Variants in UGT1A6 observed in about 807,000 individuals in gnomAD.
UGT1A6 encodes UDP-glucuronosyltransferase 1A6.
UGT1A6 carries 32 observed loss-of-function variants against 44.4 expected under a neutral mutation model. The ratio of observed to expected loss-of-function variants is 0.72; its 90% CI spans 0.54 to 0.97. The LOEUF is 0.97. Among genes scored for constraint, UGT1A6 ranks in the 50% least tolerant of loss-of-function variants. UGT1A6 has a pLI of 0.00. For synonymous variants in UGT1A6, 238 were observed against 248.5 expected (o/e 0.96, Z 0.40); for missense variants, 685 against 661.9 (o/e 1.03, Z -0.38).
intron 1 of UGT1A6, among the ~76,000 whole-genome samples, chr2:233,738,704 G>A (rs1471185258): frequency 6.6e-6 from 1 of 152,238 alleles, no homozygotes; most frequent in South Asian, 2.1e-4. Flanking sequence ...TAAAAGGGAA[G>A]CAGAGCATAA....
intron 1 of UGT1A6, among the ~76,000 whole-genome samples, chr2:233,748,582 G>T (rs1210700498): frequency 4.6e-5 from 7 of 151,806 alleles, no homozygotes; most frequent in Non-Finnish European, 1.0e-4. Flanking sequence ...TAAAGAGGTT[G>T]ACTCAGTTCA....
In UGT1A6 at chr2:233,693,520, G is replaced by A. The variant is rs1228298386; in HGVS notation, c.516G>A (p.Arg172=). 8.1e-6 allele frequency: 13 copies of A among 1,614,006 alleles called. No homozygotes were observed. The highest frequency in any genetic ancestry group is 1.0e-5 in the Non-Finnish European group (12 of 1,180,022). ...YLGLPSVYLF[R]GFPCSLEHTF... ...GCCTACCATCTGTGTACCTCTTCAG[G>A]GGTTTTCCGTGTTCCCTGGAGCATA... The change falls in exon 1 of 5, where the codon AGG becomes AGA. Residue 172 remains arginine (R), a synonymous_variant. Coordinates refer to ENST00000305139, the MANE Select transcript of UGT1A6 (RefSeq NM_001072.4).
chr2:233,759,981 A>G (rs1234447648), intron 1 of UGT1A6, among the ~76,000 whole-genome samples: 1 of 152,088 alleles, frequency 6.6e-6, no homozygotes, highest in African/African-American at 2.4e-5. Context: ...CTCTGGTAAC[A>G]CTTGTTGGTC....
At chr2:233,731,308 T>G (rs962546362) in intron 1 of UGT1A6, among the ~76,000 whole-genome samples, 3 of 151,716 alleles carry the variant, frequency 2.0e-5, no homozygotes, top group African/African-American at 7.3e-5. Context: ...TATTATACTT[T>G]AAGTTCTAGG....
chr2:233,692,066 G>A (rs1433912228), upstream of UGT1A6: 1 of 152,176 alleles, frequency 6.6e-6, no homozygotes, highest in South Asian at 2.1e-4. Flanking sequence ...AGGGAAGAAA[G>A]GAGAGAGAGA....
chr2:233,768,209 T>C lies in UGT1A6; in HGVS notation c.1082-11T>C, dbSNP rs765320155. 1 of 1,614,150 alleles carries C rather than the reference T, an allele frequency of 6.2e-7. No individual in the cohort carries two copies. Among genetic ancestry groups the C allele is most frequent in the Admixed American group, 1.7e-5 (1 of 60,012 alleles). On this transcript the variant is annotated splice_polypyrimidine_tract_variant and intron_variant, in intron 3 of 4. Transcript: ENST00000305139. ...TGTAACTGCTGACATCCTCCCTATT[T>C]TGCATCTCAGGTCACCCGATGACCC...
chr2:233,727,605 T>G (rs973059053), intron 1 of UGT1A6, among the ~76,000 whole-genome samples: 2 of 152,184 alleles, frequency 1.3e-5, no homozygotes, highest in African/African-American at 4.8e-5. Flanking sequence ...GTTGGAGGAA[T>G]AGTTCAGAGG....
intron 4 of UGT1A6, chr2:233,770,774 T>C (rs1700153442): frequency 6.6e-6 from 1 of 152,224 alleles, no homozygotes; most frequent in African/African-American, 2.4e-5. Context: ...TAATAATGTT[T>C]CCAAATAACA....
In UGT1A6 at chr2:233,725,264, G is replaced by GGCAGAGGCAGAGGCAGAGGCA. The variant is rs1216362118; in HGVS notation, c.861+31400_861+31401insCAGAGGCAGAGGCAGAGGCAG. On this transcript the variant is annotated intron_variant, in intron 1 of 4. Coordinates refer to ENST00000305139, the MANE Select transcript of UGT1A6 (RefSeq NM_001072.4). Reference sequence around the variant, plus strand: ...CAGAGGCAGAGGAGGCAGAGGCAGAGGAGGCAGAGGCAGAGGCAGAGGCAG... The same window carrying GGCAGAGGCAGAGGCAGAGGCA: ...CAGAGGCAGAGGAGGCAGAGGCAGAGGCAGAGGCAGAGGCAGAGGCAGAGGCAGAGGCAGAGGCAGAGGCAG... Among the ~76,000 whole-genome samples, 2 of 58,548 alleles carry GGCAGAGGCAGAGGCAGAGGCA rather than the reference G, an allele frequency of 3.4e-5. 1 individual carries two copies. Among genetic ancestry groups the GGCAGAGGCAGAGGCAGAGGCA allele is most frequent in the African/African-American group, 2.6e-4 (2 of 7,634 alleles). 38.4% of individuals were successfully genotyped at this position (58,548 alleles called of 152,430 possible). A position where few individuals can be genotyped will look rare whatever the true frequency, so the allele number is the denominator to read the frequency against.
chr2:233,693,243 T>C lies in UGT1A6; in HGVS notation c.239T>C (p.Val80Ala). The change falls in exon 1 of 5, where the codon GTG becomes GCG. Residue 80 changes from valine to alanine, a missense_variant. Physicochemically the swap from Val to Ala is moderately conservative, Grantham distance 64 (BLOSUM62 0). Coordinates refer to ENST00000305139, the MANE Select transcript of UGT1A6 (RefSeq NM_001072.4). ...TACTACACAAGAAAAATCTATCCAGTGCCGTATGACCAAGAAGAGCTGAAG... is the reference window on the plus strand; with the variant it reads ...TACTACACAAGAAAAATCTATCCAGCGCCGTATGACCAAGAAGAGCTGAAG... ...SKYYTRKIYPVPYDQEELKNR... is the reference protein window; with the variant it reads ...SKYYTRKIYPAPYDQEELKNR... 1 of 1,614,170 alleles carries C rather than the reference T, an allele frequency of 6.2e-7. No homozygotes were observed. Among genetic ancestry groups the C allele is most frequent in the Non-Finnish European group, 8.5e-7 (1 of 1,180,032 alleles).
intron 1 of UGT1A6, among the ~76,000 whole-genome samples, chr2:233,764,647 G>A (rs1256748841): frequency 6.6e-6 from 1 of 152,124 alleles, no homozygotes; most frequent in Non-Finnish European, 1.5e-5. Context: ...GGAAATTTAA[G>A]TAAGCCATTT....
chr2:233,720,745 G>A (rs12463910), intron 1 of UGT1A6, among the ~76,000 whole-genome samples: 11,915 of 147,388 alleles, frequency 0.081, 607 homozygotes, highest in East Asian at 0.21. Context: ...TCGTTCTGTC[G>A]CCCAGGCTGG....
intron 1 of UGT1A6, among the ~76,000 whole-genome samples, chr2:233,752,866 C>G (rs1227879768): frequency 6.6e-6 from 1 of 152,186 alleles, no homozygotes; most frequent in Non-Finnish European, 1.5e-5. Context: ...TTTGTGTTAG[C>G]TTTCAACTGT....
intron 1 of UGT1A6, among the ~76,000 whole-genome samples, chr2:233,761,417 G>A (rs1445848635): frequency 6.6e-6 from 1 of 152,202 alleles, no homozygotes; most frequent in Non-Finnish European, 1.5e-5. Context: ...GAAACAACAA[G>A]CTGTTAAATG....
Position 233,693,596 on chromosome 2 carries a change from A to C in UGT1A6, c.592A>C (p.Lys198Gln). ...PVSYIPRCYTKFSDHMTFSQR... is the reference protein window; with the variant it reads ...PVSYIPRCYTQFSDHMTFSQR... Reference sequence around the variant, plus strand: ...GTCCTACATTCCCAGGTGCTACACAAAGTTTTCAGACCACATGACTTTTTC... The same window carrying C: ...GTCCTACATTCCCAGGTGCTACACACAGTTTTCAGACCACATGACTTTTTC... The change falls in exon 1 of 5, where the codon AAG becomes CAG. Residue 198 changes from lysine to glutamine, a missense_variant. Coordinates refer to ENST00000305139, the MANE Select transcript of UGT1A6 (RefSeq NM_001072.4). The C allele has an allele frequency of 1.2e-6, 2 of 1,614,214 alleles. No individual in the cohort carries two copies. Among genetic ancestry groups the C allele is most frequent in the Non-Finnish European group, 1.7e-6 (2 of 1,180,038 alleles).
intron 1 of UGT1A6, chr2:233,747,473 T>G: frequency 1.4e-5 from 23 of 1,608,772 alleles, no homozygotes; most frequent in Non-Finnish European, 1.9e-5. Flanking sequence ...GGACCCAGGA[T>G]GAATTTGATC....
At chr2:233,729,803 C>T in intron 1 of UGT1A6, 4 of 1,613,928 alleles carry the variant, frequency 2.5e-6, no homozygotes, top group Non-Finnish European at 3.4e-6. Flanking sequence ...ATTTGCCATG[C>T]TTTTTCTGCT....
At chr2:233,692,850 T>A, upstream of UGT1A6, 1 of 1,458,738 alleles carries the variant, frequency 6.9e-7, no homozygotes, top group South Asian at 1.5e-5. Context: ...AATATTAATT[T>A]GGGTTCTTAC....
rs150592409 is a variant in UGT1A6, at chr2:233,726,667, G to A, written c.861+32802G>A. On this transcript the variant is annotated intron_variant, in intron 1 of 4. Coordinates refer to ENST00000305139, the MANE Select transcript of UGT1A6 (RefSeq NM_001072.4). ...TAAAACTCTTAATTTAATCATATCT[G>A]TGAAGTCTCTTCCACCTGTAACGGA... Among the ~76,000 whole-genome samples, 7 of 152,246 alleles carry A rather than the reference G, an allele frequency of 4.6e-5. No individual in the cohort carries two copies. The East Asian group carries it at 1.3e-3, about 29-fold the overall frequency.
Sources: gnomAD v4.1 joint callset for allele counts (sites outside exome capture counted in the v4.1 genomes callset) on GRCh38, gnomAD v4.1.1 for gene constraint, MANE v1.5 for transcripts, NCBI Gene and HGNC (gene_info 2026-07-23, HGNC 2026-07-21) for gene names.